The following PTPRN2 variants were observed in gnomAD, a reference collection of about 807,000 sequenced individuals.
PTPRN2 encodes protein tyrosine phosphatase receptor type N2.
A neutral mutation model predicts 118.8 loss-of-function variants in PTPRN2; 74 were observed. That is an observed-to-expected ratio of 0.62 (90% CI 0.52 to 0.76). The LOEUF (loss-of-function observed/expected upper bound fraction) is 0.76, where lower values mean the gene tolerates loss of function less well. Among genes scored for constraint, PTPRN2 ranks in the 30% least tolerant of loss-of-function variants. The pLI is 0.00. For missense variants in PTPRN2, 1,481 were observed against 1,394.4 expected (o/e 1.06, Z -0.99); for synonymous variants, 641 against 608.0 (o/e 1.05, Z -0.80).
rs1390751064 is a variant in PTPRN2, at chr7:157,779,267, G to A, written c.1789-96330C>T. On this transcript the variant is annotated intron_variant, in intron 12 of 22. Coordinates refer to ENST00000389418, the MANE Select transcript of PTPRN2 (RefSeq NM_002847.5). This position sits in a 1 kb window ranked among gnomAD's most constrained non-coding sequence, Gnocchi z 4.7. ...CTGGCTGCCAGGCTTCCCTGGGCAA[G>A]GTCAGCAAGGCATGTGCTCGGTGGA... 6.6e-6 allele frequency among the ~76,000 whole-genome samples: 1 copy of A among 152,228 alleles called. No homozygotes were observed. The highest frequency in any genetic ancestry group is 1.5e-5 in the Non-Finnish European group (1 of 68,036).
At chr7:158,386,157 C>A (rs1267348702) in intron 2 of PTPRN2, among the ~76,000 whole-genome samples, 1 of 131,014 alleles carries the variant, frequency 7.6e-6, no homozygotes, top group African/African-American at 3.2e-5. Flanking sequence ...CTCCCATGCC[C>A]TGAGTCCCTC....
chr7:157,899,935 A>G (rs1797347088), intron 11 of PTPRN2, among the ~76,000 whole-genome samples: 2 of 152,296 alleles, frequency 1.3e-5, no homozygotes, highest in African/African-American at 4.8e-5. Flanking sequence ...GAGAGCTATA[A>G]GGCCATCGGT....
At chr7:157,936,736 C>T (rs1351563378) in intron 11 of PTPRN2, among the ~76,000 whole-genome samples, 1 of 151,826 alleles carries the variant, frequency 6.6e-6, no homozygotes, top group Admixed American at 6.6e-5. Flanking sequence ...ACTCGGAAGC[C>T]AGGGTGGGGT....
At chr7:158,168,240 G>A (rs1823206310) in intron 5 of PTPRN2, among the ~76,000 whole-genome samples, 8 of 152,212 alleles carry the variant, frequency 5.3e-5, no homozygotes, top group Non-Finnish European at 1.0e-4. Context: ...ACTGAGCCTA[G>A]TATGTCCTGC....
rs1364778906 is a variant in PTPRN2, at chr7:157,944,092, T to A, written c.1724-45355A>T. On this transcript the variant is annotated intron_variant, in intron 11 of 22. Coordinates refer to ENST00000389418, the MANE Select transcript of PTPRN2 (RefSeq NM_002847.5). This position sits in a 1 kb window ranked among gnomAD's most constrained non-coding sequence, Gnocchi z 4.3. ...ATTTCCAGTAAGTATCAAAAGCTGC[T>A]ATCACTTCAATTACAGACACTCCGA... is the stretch of plus-strand genomic sequence containing the variant. 6.6e-6 allele frequency among the ~76,000 whole-genome samples: 1 copy of A among 152,174 alleles called. No homozygotes were observed. Among genetic ancestry groups the A allele is most frequent in the African/African-American group, 2.4e-5 (1 of 41,430 alleles).
At chr7:158,109,432 GTGAA>G (rs1020198309) in intron 10 of PTPRN2, among the ~76,000 whole-genome samples, 11 of 148,116 alleles carry the variant, frequency 7.4e-5, no homozygotes, top group Non-Finnish European at 1.6e-4. Flanking sequence ...GACTCTGTGA[GTGAA>G]TGATGTCACC....
At chr7:157,956,257 C>T (rs1776705386) in intron 11 of PTPRN2, among the ~76,000 whole-genome samples, 1 of 152,150 alleles carries the variant, frequency 6.6e-6, no homozygotes, top group South Asian at 2.1e-4. Context: ...GTGTTGGAGA[C>T]AGCAAGAGAC....
At chr7:158,056,806 A>G (rs559521315) in intron 11 of PTPRN2, among the ~76,000 whole-genome samples, 1 of 152,278 alleles carries the variant, frequency 6.6e-6, no homozygotes, top group East Asian at 1.9e-4. Flanking sequence ...TGGAGTCCTT[A>G]CAGAAGCTGC....
chr7:157,976,478 C>A (rs945215326), intron 11 of PTPRN2, among the ~76,000 whole-genome samples: 1 of 152,030 alleles, frequency 6.6e-6, no homozygotes, highest in African/African-American at 2.4e-5. Context: ...ACCAATTACC[C>A]CTTCATTCTA....
intron 11 of PTPRN2, among the ~76,000 whole-genome samples, chr7:158,071,073 TG>T (rs1198656471): frequency 2.0e-4 from 16 of 80,048 alleles, no homozygotes; most frequent in African/African-American, 3.0e-4. Flanking sequence ...GTGCTCGTGG[TG>T]GTGGAGGTGC....
At chr7:158,461,381 A>G (rs1231556525) in intron 2 of PTPRN2, among the ~76,000 whole-genome samples, 1 of 152,078 alleles carries the variant, frequency 6.6e-6, no homozygotes, top group African/African-American at 2.4e-5. Flanking sequence ...CTGTAGTCCC[A>G]GCTACTCGGG....
rs1271662850 is a variant in PTPRN2 at position 158,333,702 on chromosome 7, C to G, written c.164-16770G>C. On this transcript the variant is annotated intron_variant, in intron 2 of 22. Coordinates refer to ENST00000389418, the MANE Select transcript of PTPRN2 (RefSeq NM_002847.5). Reference sequence around the variant, plus strand: ...ACATCACTCACACCCACACTGTCACCATAAGAGCTGAGGCCCACAGAGGTC... The same window carrying G: ...ACATCACTCACACCCACACTGTCACGATAAGAGCTGAGGCCCACAGAGGTC... 4.2e-4 allele frequency among the ~76,000 whole-genome samples: 63 copies of G among 150,862 alleles called. 1 individual carries two copies. Among genetic ancestry groups the G allele is most frequent in the African/African-American group, 1.5e-3 (60 of 40,604 alleles).
intron 6 of PTPRN2, among the ~76,000 whole-genome samples, chr7:158,155,634 T>A (rs1821716045): frequency 3.5e-4 from 53 of 149,528 alleles, no homozygotes; most frequent in South Asian, 1.1e-3. Context: ...ATCACCATCA[T>A]CACCACCGTC....
Position 158,529,755 on chromosome 7 carries a change from G to C in PTPRN2, c.113-39970C>G. 6.6e-6 allele frequency among the ~76,000 whole-genome samples: 1 copy of C among 152,124 alleles called. No homozygotes were observed. Among genetic ancestry groups the C allele is most frequent in the East Asian group, 1.9e-4 (1 of 5,200 alleles). On this transcript the variant is annotated intron_variant, in intron 1 of 22. Transcript: ENST00000389418. This position sits in a 1 kb window ranked among gnomAD's most constrained non-coding sequence, Gnocchi z 4.7. ...GCGGTCACCAGAAGGGGCCAGGCGG[G>C]AGCAGGACCAGCTCACAGTCTCCCC...
chr7:158,247,300 T>C (rs1019584566), intron 3 of PTPRN2, among the ~76,000 whole-genome samples: 5 of 152,174 alleles, frequency 3.3e-5, no homozygotes, highest in Admixed American at 1.3e-4. Flanking sequence ...GAAGGAGATT[T>C]CCAACCCACG....
At chr7:157,919,034 C>G (rs1432672318) in intron 11 of PTPRN2, among the ~76,000 whole-genome samples, 2 of 152,176 alleles carry the variant, frequency 1.3e-5, no homozygotes, top group African/African-American at 4.8e-5. Context: ...AGTCACAGGG[C>G]TAGTAAAACA....
At chr7:158,036,657 G>A (rs756051690) in intron 11 of PTPRN2, among the ~76,000 whole-genome samples, 1 of 152,082 alleles carries the variant, frequency 6.6e-6, no homozygotes. Context: ...GAGATTAAAG[G>A]GAGAAAAAGT....
Position 158,122,025 on chromosome 7 carries a change from C to T in PTPRN2, c.1557-11110G>A, listed in dbSNP as rs543551635. ...TGAACTTCCTTAGAAAGCAGTTGGACGTCATCCTGAAAATGAGTGGGAGGA... is the reference window on the plus strand; with the variant it reads ...TGAACTTCCTTAGAAAGCAGTTGGATGTCATCCTGAAAATGAGTGGGAGGA... On this transcript the variant is annotated intron_variant, in intron 9 of 22. Coordinates refer to ENST00000389418, the MANE Select transcript of PTPRN2 (RefSeq NM_002847.5). Among the ~76,000 whole-genome samples the T allele has an allele frequency of 1.2e-4, 19 of 152,328 alleles. No individual in the cohort carries two copies. The East Asian group carries it at 2.9e-3, about 23-fold the overall frequency.
At position 158,188,257 on chromosome 7, in the gene PTPRN2, C is replaced by T. The variant is rs1457413370; in HGVS notation, c.549+4070G>A. ...ACGCTTGCCCCGCGATGGGGAAGGC[C>T]GCCACGCTCGCCCCCTGTATGGGGA... On this transcript the variant is annotated intron_variant, in intron 5 of 22. Transcript: ENST00000389418. Among the ~76,000 whole-genome samples the T allele has an allele frequency of 2.1e-5, 2 of 97,076 alleles. 1 individual carries two copies. Among genetic ancestry groups the T allele is most frequent in the Non-Finnish European group, 4.1e-5 (2 of 48,622 alleles). The allele number at this position is 97,076 out of a possible 152,430, so 63.7% of individuals were successfully genotyped here.
Sources: allele counts gnomAD v4.1 joint callset (sites outside exome capture counted in the v4.1 genomes callset), GRCh38; gene constraint gnomAD v4.1.1; non-coding constraint Gnocchi (gnomAD v3.1); transcripts MANE v1.5; gene names NCBI Gene and HGNC (gene_info 2026-07-23, HGNC 2026-07-21).